VPS13B: variants seen among roughly 807,000 people sequenced by gnomAD.
VPS13B encodes intermembrane lipid transfer protein VPS13B.
Under a neutral mutation model 426.4 loss-of-function variants are expected in VPS13B, and 285 were observed. That is an observed-to-expected ratio of 0.67 (90% CI 0.61 to 0.74). The LOEUF is 0.74. VPS13B is among the 30% of genes least tolerant of loss of function. The pLI, the probability that VPS13B is intolerant of heterozygous loss-of-function variation, is 0.00. For missense variants in VPS13B, 4,537 were observed against 4,782.6 expected, an observed-to-expected ratio of 0.95 and a Z score of 1.51; for synonymous variants, 1,676 against 1,676.4, an observed-to-expected ratio of 1.00 and a Z score of 0.01.
intron 30 of VPS13B, among the ~76,000 whole-genome samples, chr8:99,524,963 A>G (rs1355613867): frequency 6.6e-6 from 1 of 152,238 alleles, no homozygotes; most frequent in Non-Finnish European, 1.5e-5. Flanking sequence ...ATGTTGTAGC[A>G]GAAATGAAGG....
At chr8:99,254,407 AT>A in intron 17 of VPS13B, among the ~76,000 whole-genome samples, 1 of 151,378 alleles carries the variant, frequency 6.6e-6, no homozygotes, top group African/African-American at 2.4e-5. Context: ...ATCTACTGTC[AT>A]TTCATTTTTC....
intron 45 of VPS13B, 116 bp downstream of exon 45, chr8:99,817,919 T>G: frequency 1.4e-6 from 2 of 1,457,842 alleles, no homozygotes; most frequent in Non-Finnish European, 1.9e-6. Flanking sequence ...AAAAGGGGAG[T>G]GAAAGGCTTT....
At chr8:99,464,493 G>A (rs774771495) in intron 23 of VPS13B, among the ~76,000 whole-genome samples, 1 of 152,076 alleles carries the variant, frequency 6.6e-6, no homozygotes, top group African/African-American at 2.4e-5. Context: ...ATAAGGATTT[G>A]TATAAATAGT....
At chr8:99,701,991 T>C (rs950815710) in intron 36 of VPS13B, among the ~76,000 whole-genome samples, 1 of 152,138 alleles carries the variant, frequency 6.6e-6, no homozygotes, top group Non-Finnish European at 1.5e-5. Flanking sequence ...ACTGTATTTT[T>C]AAAATAAAAC....
At chr8:99,422,290 T>G (rs943457896) in intron 21 of VPS13B, among the ~76,000 whole-genome samples, 1 of 152,158 alleles carries the variant, frequency 6.6e-6, no homozygotes, top group Non-Finnish European at 1.5e-5. Context: ...GTCTCTAAAT[T>G]TTTTCATTAG....
intron 17 of VPS13B, among the ~76,000 whole-genome samples, chr8:99,197,687 C>A (rs189921345): frequency 6.6e-6 from 1 of 152,178 alleles, no homozygotes; most frequent in Admixed American, 6.5e-5. Flanking sequence ...TTTGAGCATG[C>A]TCCTTTTTCT....
intron 31 of VPS13B, among the ~76,000 whole-genome samples, chr8:99,573,219 C>G (rs979656722): frequency 3.3e-5 from 5 of 152,052 alleles, no homozygotes; most frequent in Admixed American, 6.6e-5. Context: ...AGATGAGTAG[C>G]TTGCAAAAAT....
intron 3 of VPS13B, among the ~76,000 whole-genome samples, chr8:99,062,571 C>T (rs1223672028): frequency 2.6e-5 from 4 of 152,088 alleles, no homozygotes; most frequent in Admixed American, 6.6e-5. Flanking sequence ...CAGGTTCAAG[C>T]GATTCTTCTG....
chr8:99,360,134 CTTT>C (rs1812427984), intron 19 of VPS13B, among the ~76,000 whole-genome samples: 1 of 23,056 alleles, frequency 4.3e-5, no homozygotes, highest in Non-Finnish European at 7.8e-5. Flanking sequence ...TTCTTTCTTT[CTTT>C]CTTTCTTTCT....
chr8:99,642,648 C>T (rs1829417414), intron 34 of VPS13B, 150 bp downstream of exon 34: 1 of 699,940 alleles, frequency 1.4e-6, no homozygotes, highest in Admixed American at 2.7e-5. Flanking sequence ...CAGCTGAATC[C>T]TGTTTAAGTA....
chr8:99,665,739 A>C (rs540581560), intron 35 of VPS13B, among the ~76,000 whole-genome samples: 206 of 152,218 alleles, frequency 1.4e-3, no homozygotes, highest in African/African-American at 4.7e-3. Context: ...GTATAGTTTG[A>C]AGTCAGGTAG....
rs148429773 is a variant in VPS13B at position 99,806,390 on chromosome 8, C to A, written c.7942-2985C>A. On this transcript the variant is annotated intron_variant, in intron 43 of 61. Transcript: ENST00000357162. ...TTGAAATCCTACCCAAACTCTGAGA[C>A]CCAGCTGCTTCCCAATGTTTTCTTA... is the stretch of plus-strand genomic sequence containing the variant. Among the ~76,000 whole-genome samples, 2 of 152,258 alleles carry A rather than the reference C, an allele frequency of 1.3e-5. 1 individual carries two copies. The highest frequency in any genetic ancestry group is 4.1e-4 in the South Asian group (2 of 4,826).
chr8:99,179,865 G>A (rs1170756612), intron 16 of VPS13B, among the ~76,000 whole-genome samples: 1 of 151,904 alleles, frequency 6.6e-6, no homozygotes, highest in Non-Finnish European at 1.5e-5. Flanking sequence ...TGAGGTTTTA[G>A]ATTGTATACT....
chr8:99,523,070 C>T (rs564371889), intron 30 of VPS13B, among the ~76,000 whole-genome samples: 4 of 152,100 alleles, frequency 2.6e-5, no homozygotes, highest in Non-Finnish European at 5.9e-5. Flanking sequence ...TTATTTGAAA[C>T]GTCCAGAATA....
intron 17 of VPS13B, among the ~76,000 whole-genome samples, chr8:99,254,755 G>C (rs551204744): frequency 2.0e-5 from 3 of 152,032 alleles, no homozygotes; most frequent in African/African-American, 4.8e-5. Flanking sequence ...TGATTCTCCT[G>C]CCTCAGCCTC....
chr8:99,192,012 C>T (rs1340134978), intron 16 of VPS13B, among the ~76,000 whole-genome samples: 2 of 152,086 alleles, frequency 1.3e-5, no homozygotes, highest in Non-Finnish European at 2.9e-5. Flanking sequence ...AGGTTACATA[C>T]AGTATACTAT....
intron 39 of VPS13B, among the ~76,000 whole-genome samples, chr8:99,757,358 C>T (rs1327315466): frequency 5.3e-5 from 8 of 152,350 alleles, no homozygotes; most frequent in African/African-American, 1.7e-4. Flanking sequence ...TCTCCCCTCT[C>T]TACCTACCAA....
intron 35 of VPS13B, among the ~76,000 whole-genome samples, chr8:99,670,946 G>T (rs1830691101): frequency 6.6e-6 from 1 of 152,064 alleles, no homozygotes; most frequent in Non-Finnish European, 1.5e-5. Context: ...GTAAACATAG[G>T]AGTGCAAATA....
intron 22 of VPS13B, among the ~76,000 whole-genome samples, chr8:99,438,034 CTTTTT>C (rs746500253): frequency 8.3e-6 from 1 of 120,586 alleles, no homozygotes; most frequent in Non-Finnish European, 1.7e-5. Context: ...TTCTTTTCCT[CTTTTT>C]TTTTTTTTTT....
Sources: allele counts gnomAD v4.1 joint callset (sites outside exome capture counted in the v4.1 genomes callset), GRCh38; gene constraint gnomAD v4.1.1; transcripts MANE v1.5; gene names NCBI Gene and HGNC (gene_info 2026-07-23, HGNC 2026-07-21).